AP1S1: variants seen among roughly 807,000 people sequenced by gnomAD.
AP1S1 encodes AP-1 complex subunit sigma-1A.
In AP1S1, 13 loss-of-function variants were observed where a neutral mutation model predicts 23.9. That is an observed-to-expected ratio of 0.54 (90% CI 0.35 to 0.86). The LOEUF (loss-of-function observed/expected upper bound fraction) is 0.86, where lower values mean the gene tolerates loss of function less well. Among genes scored for constraint, AP1S1 ranks in the 40% least tolerant of loss-of-function variants. The pLI is 0.01. For missense variants in AP1S1, 119 were observed against 197.6 expected (o/e 0.60, Z 2.38); for synonymous variants, 84 against 77.7 (o/e 1.08, Z -0.43).
chr7:101,156,911 CTTTTT>C (rs34043825), intron 2 of AP1S1, 139 bp downstream of exon 2: 1,000 of 415,272 alleles, frequency 2.4e-3, no homozygotes, highest in Middle Eastern at 3.5e-3. Context: ...TGTCAGCTTC[CTTTTT>C]TTTTTTTTTT....
intron 3 of AP1S1, among the ~76,000 whole-genome samples, chr7:101,158,579 G>C (rs1797031442): frequency 6.6e-6 from 1 of 152,118 alleles, no homozygotes; most frequent in African/African-American, 2.4e-5. Flanking sequence ...TCATGATCAG[G>C]AGGAAAGATG....
intron 3 of AP1S1, 121 bp from the exon 4 acceptor site, chr7:101,158,938 C>A: frequency 7.6e-7 from 1 of 1,322,406 alleles, no homozygotes; most frequent in Non-Finnish European, 1.0e-6. Context: ...ACTGAAAAAG[C>A]TGACCAATGA....
rs1349159677 is a variant in AP1S1, at chr7:101,156,647, G to A, written c.57G>A (p.Trp19Ter). Reference sequence around the variant, plus strand: ...AGGGAAAACTGCGGCTGCAAAAATGGTACCTGGCCACTTCGGACAAGGAAC... The same window carrying A: ...AGGGAAAACTGCGGCTGCAAAAATGATACCTGGCCACTTCGGACAAGGAAC... ...SRQGKLRLQK[W>*]YLATSDKERK... The change falls in exon 2 of 5, where the codon TGG becomes TGA. Residue 19 changes from tryptophan (W) to a stop codon, truncating the protein, a stop_gained. Coordinates refer to ENST00000337619, the MANE Select transcript of AP1S1 (RefSeq NM_001283.5). LOFTEE classifies it high-confidence loss of function. 5.0e-6 allele frequency: 8 copies of A among 1,612,262 alleles called. No homozygotes were observed. The highest frequency in any genetic ancestry group is 6.8e-6 in the Non-Finnish European group (8 of 1,179,358).
In AP1S1 at chr7:101,160,871, C is replaced by A; in HGVS notation, c.*305C>A. On this transcript the variant is annotated 3_prime_UTR_variant, in exon 5 of 5. Coordinates refer to ENST00000337619, the MANE Select transcript of AP1S1 (RefSeq NM_001283.5). Reference sequence around the variant, plus strand: ...AACTGATGTCACCCCAGATGTCCTTCCCTCCCTAATAACTGTAAATATATA... The same window carrying A: ...AACTGATGTCACCCCAGATGTCCTTACCTCCCTAATAACTGTAAATATATA... The A allele has an allele frequency of 1.7e-6, 1 of 599,304 alleles. No homozygotes were observed. The highest frequency in any genetic ancestry group is 3.1e-6 in the Non-Finnish European group (1 of 319,900). The allele number at this position is 599,304 out of a possible 1,614,324, so 37.1% of individuals were successfully genotyped here.
At chr7:101,160,047 G>A (rs1281651961) in intron 4 of AP1S1, among the ~76,000 whole-genome samples, 1 of 86,510 alleles carries the variant, frequency 1.2e-5, no homozygotes, top group African/African-American at 3.2e-5. Context: ...CCAGTGTTGC[G>A]CTCAGACCCT....
chr7:101,158,384 A>G (rs184509507), intron 3 of AP1S1, among the ~76,000 whole-genome samples: 1 of 152,224 alleles, frequency 6.6e-6, no homozygotes, highest in East Asian at 1.9e-4. Flanking sequence ...GTTTAGCTAG[A>G]TGGTTAGTGG....
At chr7:101,159,962 A>ATG (rs1475506067) in intron 4 of AP1S1, among the ~76,000 whole-genome samples, 4 of 63,908 alleles carry the variant, frequency 6.3e-5, no homozygotes, top group Admixed American at 3.6e-4. Context: ...CTTCCCACAC[A>ATG]CGCACACACA....
At chr7:101,156,505 G>C (rs1796992835) in intron 1 of AP1S1, 89 bp from the exon 2 acceptor site, 1 of 1,443,530 alleles carries the variant, frequency 6.9e-7, no homozygotes, top group African/African-American at 1.4e-5. Flanking sequence ...CAAGGGGCTG[G>C]ATGTTGGAAG....
At chr7:101,155,649 G>A (rs1414028578) in intron 1 of AP1S1, among the ~76,000 whole-genome samples, 6 of 152,336 alleles carry the variant, frequency 3.9e-5, no homozygotes, top group Non-Finnish European at 7.3e-5. Flanking sequence ...TGTGGTGTTG[G>A]AGATACATAC....
chr7:101,157,939 C>T (rs1301205437), intron 3 of AP1S1, among the ~76,000 whole-genome samples: 1 of 152,128 alleles, frequency 6.6e-6, no homozygotes, highest in Non-Finnish European at 1.5e-5. Context: ...GTGCACACCA[C>T]TATGCCCAGC....
chr7:101,158,294 C>T (rs1797026729), intron 3 of AP1S1, among the ~76,000 whole-genome samples: 1 of 152,222 alleles, frequency 6.6e-6, no homozygotes, highest in Non-Finnish European at 1.5e-5. Flanking sequence ...TCGTTTGCTC[C>T]TTATCCCATC....
In AP1S1 at chr7:101,161,120, G is replaced by A. The variant is rs935425602; in HGVS notation, c.*554G>A. 7.9e-5 allele frequency: 23 copies of A among 290,886 alleles called. No homozygotes were observed. The highest frequency in any genetic ancestry group is 4.3e-4 in the African/African-American group (19 of 44,284). 18.0% of individuals were successfully genotyped at this position (290,886 alleles called of 1,614,324 possible). A position where few individuals can be genotyped will look rare whatever the true frequency, so the allele number is the denominator to read the frequency against. On this transcript the variant is annotated 3_prime_UTR_variant, in exon 5 of 5. Coordinates refer to ENST00000337619, the MANE Select transcript of AP1S1 (RefSeq NM_001283.5). ...CCTTGCCACTTTGAGGGAAGGAAGG[G>A]TTGGGGGAAGGGCAAGCTTTATGGG...
intron 2 of AP1S1, 59 bp downstream of exon 2, chr7:101,156,831 G>A (rs1796999281): frequency 7.1e-7 from 1 of 1,414,430 alleles, no homozygotes; most frequent in Non-Finnish European, 9.3e-7. Context: ...GGGTTAAAAT[G>A]TCTGAGAAAT....
At chr7:101,154,635 C>T in intron 1 of AP1S1, 118 bp downstream of exon 1, 1 of 1,335,030 alleles carries the variant, frequency 7.5e-7, no homozygotes. Context: ...TCCTCAGAGG[C>T]CTCCCTTGCC....
chr7:101,155,041 A>C, intron 1 of AP1S1: 1 of 987,094 alleles, frequency 1.0e-6, no homozygotes, highest in Non-Finnish European at 1.2e-6. Context: ...AGGGAAGCGA[A>C]GTGGACTCGT....
At chr7:101,159,730 C>T (rs538515143) in intron 4 of AP1S1, among the ~76,000 whole-genome samples, 157 of 151,682 alleles carry the variant, frequency 1.0e-3, no homozygotes, top group Non-Finnish European at 1.9e-3. Flanking sequence ...TCTCCCTGCT[C>T]CCCAGCGCCC....
chr7:101,155,766 C>T (rs1796982738), intron 1 of AP1S1, among the ~76,000 whole-genome samples: 1 of 152,130 alleles, frequency 6.6e-6, no homozygotes, highest in Non-Finnish European at 1.5e-5. Context: ...GAGGTAGCTT[C>T]TCCAGGGACA....
chr7:101,155,137 C>T, intron 1 of AP1S1: 1 of 664,344 alleles, frequency 1.5e-6, no homozygotes, highest in East Asian at 1.4e-4. Flanking sequence ...GGAATCCAGG[C>T]CTTCCGTCTT....
chr7:101,157,607 A>T (rs1451579676), intron 3 of AP1S1, 122 bp downstream of exon 3: 3 of 737,806 alleles, frequency 4.1e-6, no homozygotes, highest in Non-Finnish European at 7.1e-6. Flanking sequence ...TTGGAGCAGT[A>T]AGAACAGTAA....
Sources: gnomAD v4.1 joint callset for allele counts (sites outside exome capture counted in the v4.1 genomes callset) on GRCh38, gnomAD v4.1.1 for gene constraint, MANE v1.5 for transcripts, NCBI Gene and HGNC (gene_info 2026-07-23, HGNC 2026-07-21) for gene names.